OPCML: variants seen among roughly 807,000 people sequenced by gnomAD.
The protein encoded by OPCML is opioid-binding protein/cell adhesion molecule.
OPCML carries 13 observed loss-of-function variants against 37.8 expected under a neutral mutation model. That is an observed-to-expected ratio of 0.34 (90% confidence interval 0.22 to 0.55). OPCML has a LOEUF of 0.55. Ranked by LOEUF, OPCML falls within the 20% of genes least tolerant of loss-of-function variation. The pLI is 0.91. For missense variants in OPCML, 341 were observed against 435.6 expected (o/e 0.78, Z 1.93); for synonymous variants, 176 against 168.8 (o/e 1.04, Z -0.33).
intron 1 of OPCML, among the ~76,000 whole-genome samples, chr11:132,949,807 G>A (rs1406972172): frequency 6.6e-6 from 1 of 152,132 alleles, no homozygotes; most frequent in African/African-American, 2.4e-5. Context: ...TTTCTGCACG[G>A]GTGTGTAAGC....
chr11:133,282,802 T>C (rs1385436879), intron 1 of OPCML, among the ~76,000 whole-genome samples: 19 of 152,214 alleles, frequency 1.2e-4, no homozygotes. Flanking sequence ...CCACCCATTG[T>C]ACCAGTGTGG....
At chr11:133,418,991 C>A (rs1046598116) in intron 1 of OPCML, among the ~76,000 whole-genome samples, 1 of 152,176 alleles carries the variant, frequency 6.6e-6, no homozygotes, top group African/African-American at 2.4e-5. Flanking sequence ...GCACAAGAAC[C>A]ATTTTCCACA....
chr11:132,490,101 T>G (rs576635227), intron 4 of OPCML, among the ~76,000 whole-genome samples: 1 of 152,162 alleles, frequency 6.6e-6, no homozygotes, highest in Non-Finnish European at 1.5e-5. Flanking sequence ...TGATGGGCAT[T>G]TGGGTTGGTT....
intron 1 of OPCML, among the ~76,000 whole-genome samples, chr11:133,157,037 C>T (rs902195938): frequency 3.9e-5 from 6 of 152,054 alleles, no homozygotes; most frequent in Non-Finnish European, 7.4e-5. Context: ...CACGGAGATA[C>T]GAGATGCTGG....
At chr11:133,278,405 T>C (rs889538096) in intron 1 of OPCML, among the ~76,000 whole-genome samples, 9 of 152,172 alleles carry the variant, frequency 5.9e-5, no homozygotes, top group Non-Finnish European at 1.0e-4. Context: ...TACAGATACA[T>C]GAGAATGAAA....
At chr11:132,774,889 G>A (rs1010988920) in intron 2 of OPCML, among the ~76,000 whole-genome samples, 8 of 152,122 alleles carry the variant, frequency 5.3e-5, no homozygotes, top group Admixed American at 5.2e-4. Context: ...TATTTGTTGT[G>A]TATATACCAT....
At chr11:133,094,404 G>A (rs1901916) in intron 1 of OPCML, among the ~76,000 whole-genome samples, 92,385 of 151,984 alleles carry the variant, frequency 0.61, 28,210 homozygotes, top group East Asian at 0.78. Context: ...TCAAGTCTAC[G>A]ACCCATGATG....
chr11:133,158,126 C>T (rs989321279), intron 1 of OPCML, among the ~76,000 whole-genome samples: 2 of 152,164 alleles, frequency 1.3e-5, no homozygotes, highest in Non-Finnish European at 2.9e-5. Flanking sequence ...GTGGCAGGTG[C>T]TTGGCTCTAT....
chr11:133,135,669 A>C (rs1949678396), intron 1 of OPCML, among the ~76,000 whole-genome samples: 2 of 152,166 alleles, frequency 1.3e-5, no homozygotes, highest in Non-Finnish European at 2.9e-5. Flanking sequence ...GAAGACTCCC[A>C]AAATACAGAT....
intron 1 of OPCML, among the ~76,000 whole-genome samples, chr11:133,040,965 G>T (rs1321651970): frequency 1.3e-5 from 2 of 152,188 alleles, no homozygotes; most frequent in Non-Finnish European, 2.9e-5. Flanking sequence ...GAGATCAGCA[G>T]GGAAGGAATC....
At chr11:132,767,081 A>G (rs1288182220) in intron 2 of OPCML, among the ~76,000 whole-genome samples, 1 of 152,198 alleles carries the variant, frequency 6.6e-6, no homozygotes, top group Non-Finnish European at 1.5e-5. Flanking sequence ...TGATAAAACA[A>G]ATGTGATGAA....
At chr11:132,701,197 T>C (rs114164331) in intron 2 of OPCML, among the ~76,000 whole-genome samples, 157 of 152,326 alleles carry the variant, frequency 1.0e-3, no homozygotes, top group African/African-American at 3.6e-3. Context: ...AGGCACATCT[T>C]ACATGTTGGC....
chr11:132,494,777 A>C (rs1278819639), intron 4 of OPCML, among the ~76,000 whole-genome samples: 1 of 152,234 alleles, frequency 6.6e-6, no homozygotes, highest in Non-Finnish European at 1.5e-5. Flanking sequence ...TGTTGCAGAA[A>C]CTTCCTTTCC....
intron 4 of OPCML, among the ~76,000 whole-genome samples, chr11:132,496,304 C>G (rs2096231077): frequency 2.0e-5 from 3 of 152,162 alleles, no homozygotes; most frequent in Admixed American, 2.0e-4. Context: ...AAAATAAGTT[C>G]TAGAAGCATT....
At chr11:132,588,486 G>C (rs1294805140) in intron 3 of OPCML, among the ~76,000 whole-genome samples, 4 of 152,160 alleles carry the variant, frequency 2.6e-5, no homozygotes, top group Non-Finnish European at 5.9e-5. Flanking sequence ...TCTAACCTAG[G>C]AAACAAGACC....
At chr11:133,195,660 G>T (rs148683809) in intron 1 of OPCML, among the ~76,000 whole-genome samples, 3 of 152,270 alleles carry the variant, frequency 2.0e-5, no homozygotes, top group African/African-American at 4.8e-5. Context: ...CATGGAAGTG[G>T]TCTTTGTCTT....
chr11:133,007,148 G>GTACATGTACTTATCA (rs1947129302), intron 1 of OPCML: 1 of 985,438 alleles, frequency 1.0e-6, no homozygotes, highest in Non-Finnish European at 1.2e-6. Flanking sequence ...CAGCCTTACA[G>GTACATGTACTTATCA]GTACATGCCC....
chr11:132,659,536 C>T (rs1941860521), intron 2 of OPCML, among the ~76,000 whole-genome samples: 1 of 152,132 alleles, frequency 6.6e-6, no homozygotes, highest in African/African-American at 2.4e-5. Context: ...CACCACACAA[C>T]CCAAGTGACT....
rs144871197 is a variant in OPCML, at chr11:133,004,113, G to A, written c.62-61103C>T. 4.8e-3 allele frequency: 4,687 copies of A among 985,342 alleles called. 21 individuals are homozygous for A. The highest frequency in any genetic ancestry group is 0.011 in the South Asian group (238 of 21,276). 61.0% of individuals were successfully genotyped at this position (985,342 alleles called of 1,614,324 possible). A position where few individuals can be genotyped will look rare whatever the true frequency, so the allele number is the denominator to read the frequency against. ...CTGTGTTCTAGCTTGGAAGGAAGTT[G>A]GACACCCACACATCTCAAAAGCGGG... On this transcript the variant is annotated intron_variant, in intron 1 of 7. Transcript: ENST00000524381.
Sources: allele counts gnomAD v4.1 joint callset (sites outside exome capture counted in the v4.1 genomes callset), GRCh38; gene constraint gnomAD v4.1.1; transcripts MANE v1.5; gene names NCBI Gene and HGNC (gene_info 2026-07-23, HGNC 2026-07-21).